Variants in SLC4A4 observed in about 807,000 individuals in gnomAD.
SLC4A4 encodes the protein solute carrier family 4 member 4.
A neutral mutation model predicts 111.5 loss-of-function variants in SLC4A4; 27 were observed. That is an observed-to-expected ratio of 0.24 (90% CI 0.18 to 0.33). The LOEUF (loss-of-function observed/expected upper bound fraction) is 0.33, where lower values mean the gene tolerates loss of function less well. Ranked by LOEUF, SLC4A4 falls within the 10% of genes least tolerant of loss-of-function variation. The pLI is 1.00. For missense variants in SLC4A4, 909 were observed against 1,315.5 expected (o/e 0.69, Z 4.78); for synonymous variants, 443 against 463.4 (o/e 0.96, Z 0.57).
At chr4:71,179,317 C>A (rs1325668741) in intron 2 of SLC4A4, among the ~76,000 whole-genome samples, 1 of 152,154 alleles carries the variant, frequency 6.6e-6, no homozygotes, top group East Asian at 1.9e-4. Context: ...CCCTCTCTCA[C>A]CACTCCTATT....
intron 3 of SLC4A4, among the ~76,000 whole-genome samples, chr4:71,333,109 A>T (rs1281090946): frequency 2.0e-5 from 3 of 152,206 alleles, no homozygotes; most frequent in Admixed American, 2.0e-4. Context: ...TTGAAGAGTT[A>T]GGTATTTATT....
chr4:71,273,177 G>A (rs1345570223), intron 3 of SLC4A4, among the ~76,000 whole-genome samples: 1 of 152,190 alleles, frequency 6.6e-6, no homozygotes, highest in South Asian at 2.1e-4. Context: ...ATGTAGAGAA[G>A]TGAGTAATGC....
intron 1 of SLC4A4, among the ~76,000 whole-genome samples, chr4:71,082,676 A>G (rs1383260522): frequency 6.6e-6 from 1 of 152,074 alleles, no homozygotes; most frequent in African/African-American, 2.4e-5. Context: ...AGTAAATGTT[A>G]ACATTTTCCC....
At chr4:71,242,666 T>C (rs1476737570) in intron 2 of SLC4A4, among the ~76,000 whole-genome samples, 3 of 151,896 alleles carry the variant, frequency 2.0e-5, no homozygotes, top group Non-Finnish European at 4.4e-5. Flanking sequence ...TAATTTTCTT[T>C]GGTTATTATA....
intron 22 of SLC4A4, among the ~76,000 whole-genome samples, chr4:71,558,821 A>AT (rs1403051625): frequency 2.0e-5 from 3 of 151,702 alleles, no homozygotes; most frequent in African/African-American, 7.3e-5. Flanking sequence ...GTTAGGTCAG[A>AT]TTTTTTTCTT....
chr4:71,233,365 T>G, intron 1 of SLC4A4: 3 of 947,698 alleles, frequency 3.2e-6, no homozygotes, highest in Non-Finnish European at 2.5e-6. Context: ...ATGACCAAAG[T>G]GCTTTTTACA....
At chr4:71,437,511 G>T in intron 7 of SLC4A4, 1 of 423,158 alleles carries the variant, frequency 2.4e-6, no homozygotes, top group Admixed American at 2.5e-5. Flanking sequence ...TGACTAAGTT[G>T]GACTTTGCAG....
rs1719932091 is a variant in SLC4A4 at position 71,397,515 on chromosome 4, C to T, written c.731-62C>T. 3 of 1,356,996 alleles carry T rather than the reference C, an allele frequency of 2.2e-6. No individual in the cohort carries two copies. The Admixed American group carries it at 5.0e-5, about 23-fold the overall frequency. 84.1% of individuals were successfully genotyped at this position (1,356,996 alleles called of 1,614,324 possible). Reference sequence around the variant, plus strand: ...ATCTACTAATGTTTATTAAGTATACCACCAAAGTCTTTGTGTTATTGAAAA... The same window carrying T: ...ATCTACTAATGTTTATTAAGTATACTACCAAAGTCTTTGTGTTATTGAAAA... On this transcript the variant is annotated intron_variant, in intron 6 of 25. Transcript: ENST00000264485.
chr4:71,497,506 T>C lies in SLC4A4; in HGVS notation c.1980T>C (p.His660=), dbSNP rs1243882659. ...TTAATGTTTTTCTTCTTCAGTACCA[T>C]AATACTACCTTTGACTGGGCATTTT... is the stretch of plus-strand genomic sequence containing the variant. The part of the protein sequence containing the change: ...LPTMSSTDMY[H]NTTFDWAFLS... The change falls in exon 16 of 26, where the codon CAT becomes CAC. Residue 660 remains histidine, a synonymous_variant. Transcript: ENST00000264485. 1 of 1,612,908 alleles carries C rather than the reference T, an allele frequency of 6.2e-7. No homozygotes were observed. The highest frequency in any genetic ancestry group is 8.5e-7 in the Non-Finnish European group (1 of 1,179,396).
chr4:71,088,899 T>C (rs569938595), intron 1 of SLC4A4, among the ~76,000 whole-genome samples: 54 of 152,000 alleles, frequency 3.6e-4, no homozygotes, highest in Non-Finnish European at 5.4e-4. Context: ...TTGCTCTTCT[T>C]GAGGAGTATC....
intron 2 of SLC4A4, among the ~76,000 whole-genome samples, chr4:71,105,175 C>T (rs1207294279): frequency 6.8e-6 from 1 of 147,088 alleles, no homozygotes; most frequent in East Asian, 2.0e-4. Flanking sequence ...TTCACAATTG[C>T]TTCAAAGAGA....
intron 3 of SLC4A4, chr4:71,301,253 C>T (rs543225903): frequency 1.3e-4 from 32 of 245,398 alleles, no homozygotes; most frequent in Non-Finnish European, 1.9e-4. Context: ...AACATATTTA[C>T]GGGAAATCAA....
At chr4:71,140,291 C>T (rs566044189) in intron 2 of SLC4A4, among the ~76,000 whole-genome samples, 5 of 152,086 alleles carry the variant, frequency 3.3e-5, no homozygotes, top group African/African-American at 1.2e-4. Context: ...CATGGTGATG[C>T]GCACCTGAAG....
chr4:71,220,735 GT>G (rs201661982), intron 1 of SLC4A4, among the ~76,000 whole-genome samples: 4,332 of 151,774 alleles, frequency 0.029, 217 homozygotes, highest in African/African-American at 0.099. Flanking sequence ...TTTATTTTAG[GT>G]TTTGGGGGTA....
chr4:71,409,044 T>A (rs945049805), intron 7 of SLC4A4, among the ~76,000 whole-genome samples: 6 of 152,236 alleles, frequency 3.9e-5, no homozygotes, highest in Non-Finnish European at 7.3e-5. Flanking sequence ...ATGTAAGAAG[T>A]GCCTTTCACC....
chr4:71,447,496 T>A (rs1725345307), intron 8 of SLC4A4, 150 bp from the exon 9 acceptor site: 1 of 684,246 alleles, frequency 1.5e-6, no homozygotes. Context: ...AAGAGTATAT[T>A]CTGTACTACC....
chr4:71,214,117 G>A (rs1184654564), intron 1 of SLC4A4, among the ~76,000 whole-genome samples: 1 of 152,124 alleles, frequency 6.6e-6, no homozygotes, highest in Non-Finnish European at 1.5e-5. Context: ...GGTTTTGTGT[G>A]GAGAACTGAA....
intron 3 of SLC4A4, among the ~76,000 whole-genome samples, chr4:71,282,205 C>G (rs748606050): frequency 6.6e-6 from 1 of 151,652 alleles, no homozygotes; most frequent in Non-Finnish European, 1.5e-5. Context: ...TGTGAAAAGC[C>G]AGAAAATAAT....
At chr4:71,064,584 A>G (rs1280273349) in intron 1 of SLC4A4, among the ~76,000 whole-genome samples, 2 of 152,224 alleles carry the variant, frequency 1.3e-5, no homozygotes, top group Non-Finnish European at 2.9e-5. Flanking sequence ...AAAAATTAAA[A>G]GCAATGCAGA....
Sources: allele counts gnomAD v4.1 joint callset (sites outside exome capture counted in the v4.1 genomes callset), GRCh38; gene constraint gnomAD v4.1.1; transcripts MANE v1.5; gene names NCBI Gene and HGNC (gene_info 2026-07-23, HGNC 2026-07-21).